The following BDNF variants were observed in gnomAD, a reference collection of about 807,000 sequenced individuals.
BDNF encodes brain derived neurotrophic factor, also known as neurotrophic factor BDNF precursor form.
In BDNF, 1 loss-of-function variant was observed where a neutral mutation model predicts 19.5. That is an observed-to-expected ratio of 0.05 (90% confidence interval 0.02 to 0.24). The LOEUF is 0.24. Ranked by LOEUF, BDNF falls within the 10% of genes least tolerant of loss-of-function variation. The pLI, the probability that BDNF is intolerant of heterozygous loss-of-function variation, is 1.00. For synonymous variants in BDNF, 100 were observed against 121.6 expected, an observed-to-expected ratio of 0.82 and a Z score of 1.17; for missense variants, 195 against 317.6, an observed-to-expected ratio of 0.61 and a Z score of 2.93.
chr11:27,668,556 C>T (rs964036140), intron 1 of BDNF, among the ~76,000 whole-genome samples: 1 of 152,002 alleles, frequency 6.6e-6, no homozygotes, highest in Non-Finnish European at 1.5e-5. Flanking sequence ...CAAATAGATG[C>T]AATAAAAGGT....
chr11:27,712,534 T>C (rs1860370241), intron 1 of BDNF, among the ~76,000 whole-genome samples: 2 of 144,726 alleles, frequency 1.4e-5, no homozygotes, highest in Admixed American at 6.9e-5. Context: ...TTTTTTTTTT[T>C]GAGACAAAGT....
chr11:27,718,451 G>A (rs1344997079), intron 1 of BDNF, among the ~76,000 whole-genome samples: 2 of 149,500 alleles, frequency 1.3e-5, no homozygotes, highest in Non-Finnish European at 3.0e-5. Context: ...TGGGAAGGGT[G>A]GGTGGCGATG....
chr11:27,659,403 T>C, intron 1 of BDNF: 1 of 1,000,346 alleles, frequency 1.0e-6, no homozygotes, highest in Non-Finnish European at 1.2e-6. Flanking sequence ...TTTAATGATG[T>C]GTCTATGCCT....
chr11:27,672,973 A>C (rs1386038180), intron 1 of BDNF, among the ~76,000 whole-genome samples: 2 of 152,176 alleles, frequency 1.3e-5, no homozygotes, highest in Non-Finnish European at 2.9e-5. Context: ...GTCCAAATGC[A>C]AATGACTCAC....
chr11:27,680,857 C>T (rs1856755117), intron 1 of BDNF, among the ~76,000 whole-genome samples: 1 of 152,132 alleles, frequency 6.6e-6, no homozygotes, highest in South Asian at 2.1e-4. Context: ...TCTTCCTTCT[C>T]CCCTTGGGAT....
intron 1 of BDNF, among the ~76,000 whole-genome samples, chr11:27,682,456 C>T (rs903504075): frequency 2.0e-5 from 3 of 151,390 alleles, no homozygotes; most frequent in Non-Finnish European, 4.4e-5. Flanking sequence ...ATGTGCAGAA[C>T]GTGCAGGTTT....
At chr11:27,712,837 AG>A (rs1392203675) in intron 1 of BDNF, among the ~76,000 whole-genome samples, 1 of 151,658 alleles carries the variant, frequency 6.6e-6, no homozygotes, top group African/African-American at 2.4e-5. Flanking sequence ...TTTTATGAGA[AG>A]GGTTTACATA....
chr11:27,705,003 G>T (rs1860054875), upstream of BDNF, among the ~76,000 whole-genome samples: 1 of 152,030 alleles, frequency 6.6e-6, no homozygotes, highest in Admixed American at 6.5e-5. Flanking sequence ...AGAACAAGAG[G>T]GTCAAAAGCT....
intron 1 of BDNF, chr11:27,697,595 GTGAT>G: frequency 6.6e-6 from 1 of 152,234 alleles, no homozygotes; most frequent in South Asian, 2.1e-4. Flanking sequence ...ATCATTTGAG[GTGAT>G]GACTGCATTT....
intron 1 of BDNF, among the ~76,000 whole-genome samples, chr11:27,697,118 C>G (rs1297639444): frequency 6.6e-6 from 1 of 151,002 alleles, no homozygotes. Context: ...TCTCTCTCCC[C>G]CTCTACACAC....
At chr11:27,673,390 C>G (rs1482384440) in intron 1 of BDNF, among the ~76,000 whole-genome samples, 1 of 152,036 alleles carries the variant, frequency 6.6e-6, no homozygotes, top group East Asian at 1.9e-4. Context: ...TGGGAACATG[C>G]CAGAACAATC....
Position 27,676,250 on chromosome 11 carries a change from C to G in BDNF, c.-21-17665G>C, listed in dbSNP as rs184467328. 3 of 152,230 alleles carry G rather than the reference C, an allele frequency of 2.0e-5. No individual in the cohort carries two copies. In the East Asian group the frequency reaches 5.8e-4, roughly 29 times the overall value. The allele number at this position is 152,230 out of a possible 1,614,324, so 9.4% of individuals were successfully genotyped here. On this transcript the variant is annotated intron_variant, in intron 1 of 1. Coordinates refer to ENST00000356660, the MANE Select transcript of BDNF (RefSeq NM_001709.5). ...TCTTGTGTAGACTGGATACAGTCAT[C>G]AATGCAACTGTCCAGGTGCAACTCT... is the stretch of plus-strand genomic sequence containing the variant.
intron 1 of BDNF, among the ~76,000 whole-genome samples, chr11:27,707,482 A>G (rs907453214): frequency 1.2e-4 from 18 of 152,234 alleles, no homozygotes; most frequent in African/African-American, 4.1e-4. Context: ...TCCTCTTCAT[A>G]ATATCGCCTT....
At chr11:27,672,581 C>T (rs1045016621) in intron 1 of BDNF, among the ~76,000 whole-genome samples, 5 of 152,028 alleles carry the variant, frequency 3.3e-5, no homozygotes, top group Non-Finnish European at 5.9e-5. Context: ...AAACGAAACT[C>T]GCAAAATAAT....
At chr11:27,672,778 T>C (rs1855564519) in intron 1 of BDNF, among the ~76,000 whole-genome samples, 3 of 152,094 alleles carry the variant, frequency 2.0e-5, no homozygotes, top group Admixed American at 2.0e-4. Context: ...AAAATGGCTT[T>C]TAAAAAAGGA....
chr11:27,658,429 C>T lies in BDNF; in HGVS notation c.136G>A (p.Val46Met), dbSNP rs146354977. 32 of 1,614,218 alleles carry T rather than the reference C, an allele frequency of 2.0e-5. No homozygotes were observed. In the African/African-American group the frequency reaches 2.8e-4, roughly 14 times the overall value. Residue 46 changes from valine to methionine, a missense_variant, in exon 2 of 2, where the codon GTG becomes ATG. Val to Met is a conservative substitution (Grantham distance 21). Coordinates refer to ENST00000356660, the MANE Select transcript of BDNF (RefSeq NM_001709.5). This position sits in a 1 kb window ranked among gnomAD's most constrained non-coding sequence, Gnocchi z 5.7. ...GVRTHGTLES[V>M]NGPKAGSRGL... Reference sequence around the variant, plus strand: ...CTTGAACCTGCCTTGGGCCCATTCACGCTCTCCAGAGTCCCATGGGTCCGC... The same window carrying T: ...CTTGAACCTGCCTTGGGCCCATTCATGCTCTCCAGAGTCCCATGGGTCCGC...
At position 27,690,782 on chromosome 11, in the gene BDNF, A is replaced by C. The variant is rs554235435; in HGVS notation, c.-22+9382T>G. 2.0e-5 allele frequency among the ~76,000 whole-genome samples: 3 copies of C among 152,342 alleles called. No individual in the cohort carries two copies. In the South Asian group the frequency reaches 6.2e-4, roughly 32 times the overall value. On this transcript the variant is annotated intron_variant, in intron 1 of 1. Transcript: ENST00000356660. ...GCATAATCATTAACCAACTTCTAGT[A>C]AATGGAAGCATTCTCACAATTTAAG...
Position 27,657,697 on chromosome 11 carries a change from CTTCA to C in BDNF, c.*120_*123del, listed in dbSNP as rs1364891816. 1 of 1,500,040 alleles carries C rather than the reference CTTCA, an allele frequency of 6.7e-7. No homozygotes were observed. Among genetic ancestry groups the C allele is most frequent in the Non-Finnish European group, 8.8e-7 (1 of 1,133,642 alleles). 92.9% of individuals were successfully genotyped at this position (1,500,040 alleles called of 1,614,324 possible). A position where few individuals can be genotyped will look rare whatever the true frequency, so the allele number is the denominator to read the frequency against. ...TTGTAGAACCACTGTACTGTATAAA[CTTCA>C]TTTATACATGCAGTTCATAAAATTA... On this transcript the variant is annotated 3_prime_UTR_variant, in exon 2 of 2. Coordinates refer to ENST00000356660, the MANE Select transcript of BDNF (RefSeq NM_001709.5). This position sits in a 1 kb window ranked among gnomAD's most constrained non-coding sequence, Gnocchi z 5.0.
chr11:27,665,579 CT>C (rs1347234978), intron 1 of BDNF, among the ~76,000 whole-genome samples: 1 of 152,196 alleles, frequency 6.6e-6, no homozygotes, highest in Non-Finnish European at 1.5e-5. Context: ...TAATACTGTG[CT>C]TTTCCAATGG....
Sources: allele counts gnomAD v4.1 joint callset (sites outside exome capture counted in the v4.1 genomes callset), GRCh38; gene constraint gnomAD v4.1.1; non-coding constraint Gnocchi (gnomAD v3.1); transcripts MANE v1.5; gene names NCBI Gene and HGNC (gene_info 2026-07-23, HGNC 2026-07-21).